Variants in CSMD1 observed in about 807,000 individuals in gnomAD.
The protein encoded by CSMD1 is CUB and Sushi multiple domains 1, also known as CUB and sushi domain-containing protein 1.
CSMD1 carries 213 observed loss-of-function variants against 417.5 expected under a neutral mutation model. The ratio of observed to expected loss-of-function variants is 0.51; its 90% CI spans 0.46 to 0.57. CSMD1 has a LOEUF of 0.57. Ranked by LOEUF, CSMD1 falls within the 20% of genes least tolerant of loss-of-function variation. The pLI, the probability that CSMD1 is intolerant of heterozygous loss-of-function variation, is 0.00. For synonymous variants in CSMD1, 2,862 were observed against 1,736.8 expected (o/e 1.65, Z -16.11); for missense variants, 6,923 against 4,529.7 (o/e 1.53, Z -15.17).
intron 5 of CSMD1, among the ~76,000 whole-genome samples, chr8:3,988,368 G>T (rs1175257370): frequency 2.0e-5 from 3 of 152,180 alleles, no homozygotes; most frequent in African/African-American, 7.2e-5. Flanking sequence ...TTTCAGTTTG[G>T]AGGAAAACCT....
At position 3,188,899 on chromosome 8, in the gene CSMD1, G is replaced by T; in HGVS notation, c.5511C>A (p.Gly1837=). The change falls in exon 35 of 70, where the codon GGC becomes GGA. Residue 1837 remains glycine, a synonymous_variant. Transcript: ENST00000635120. ...TTCAAGGACTCACCTGAATTCCCGAGCCCTCCGTAACTATGATCTTCCATA... is the reference window on the plus strand; with the variant it reads ...TTCAAGGACTCACCTGAATTCCCGATCCCTCCGTAACTATGATCTTCCATA... ...NCIWKIIVTE[G]SGIQIQVISF... 6.3e-7 allele frequency: 1 copy of T among 1,575,826 alleles called. No individual in the cohort carries two copies. Among genetic ancestry groups the T allele is most frequent in the Non-Finnish European group, 8.6e-7 (1 of 1,160,258 alleles).
At chr8:3,025,811 G>A (rs1052587766) in intron 51 of CSMD1, among the ~76,000 whole-genome samples, 1 of 152,142 alleles carries the variant, frequency 6.6e-6, no homozygotes, top group African/African-American at 2.4e-5. Context: ...ATAAAAATGT[G>A]TTACTTATGT....
intron 10 of CSMD1, among the ~76,000 whole-genome samples, chr8:3,498,582 T>C (rs1216522922): frequency 6.6e-6 from 1 of 152,224 alleles, no homozygotes; most frequent in African/African-American, 2.4e-5. Context: ...TATTTTATTA[T>C]ATAGATATCC....
At chr8:3,343,582 A>T in intron 22 of CSMD1, 132 bp from the exon 23 acceptor site, 1 of 733,988 alleles carries the variant, frequency 1.4e-6, no homozygotes, top group Non-Finnish European at 2.1e-6. Context: ...GTTTACAGAA[A>T]GATAAATGAA....
intron 23 of CSMD1, among the ~76,000 whole-genome samples, chr8:3,316,937 A>C (rs1181219424): frequency 2.0e-5 from 3 of 152,180 alleles, no homozygotes; most frequent in Non-Finnish European, 4.4e-5. Flanking sequence ...AAAAGTATTT[A>C]TTTAGTGCTG....
chr8:4,314,283 A>G (rs1164453286), intron 3 of CSMD1, among the ~76,000 whole-genome samples: 1 of 152,166 alleles, frequency 6.6e-6, no homozygotes, highest in Non-Finnish European at 1.5e-5. Context: ...TACAATCGAC[A>G]AAGTACATAG....
intron 1 of CSMD1, among the ~76,000 whole-genome samples, chr8:4,943,259 G>T (rs1037008673): frequency 6.6e-6 from 1 of 152,048 alleles, no homozygotes; most frequent in Non-Finnish European, 1.5e-5. Flanking sequence ...ACTTTGGGCG[G>T]CCCAGGCGGG....
intron 5 of CSMD1, among the ~76,000 whole-genome samples, chr8:3,968,705 G>T (rs1460014431): frequency 6.6e-6 from 1 of 152,060 alleles, no homozygotes; most frequent in Non-Finnish European, 1.5e-5. Flanking sequence ...TTACTACAGG[G>T]TCTGTGTATT....
chr8:4,817,647 A>C (rs1799283171), intron 1 of CSMD1, among the ~76,000 whole-genome samples: 1 of 152,232 alleles, frequency 6.6e-6, no homozygotes, highest in African/African-American at 2.4e-5. Context: ...ACATGCATAA[A>C]ATCAATGGTA....
At chr8:3,726,864 G>A (rs186193313) in intron 6 of CSMD1, among the ~76,000 whole-genome samples, 1 of 152,152 alleles carries the variant, frequency 6.6e-6, no homozygotes, top group Non-Finnish European at 1.5e-5. Context: ...CCTGCCCAAA[G>A]ATAGATTTCC....
intron 3 of CSMD1, among the ~76,000 whole-genome samples, chr8:4,219,493 T>G (rs921400485): frequency 6.6e-6 from 1 of 152,212 alleles, no homozygotes; most frequent in African/African-American, 2.4e-5. Context: ...CTTCCGTCTC[T>G]TGGGTGTTCC....
intron 5 of CSMD1, among the ~76,000 whole-genome samples, chr8:3,913,939 G>T (rs955416248): frequency 2.6e-5 from 4 of 151,982 alleles, no homozygotes; most frequent in African/African-American, 9.7e-5. Context: ...ATAAATTAAC[G>T]ATCACTTTTG....
intron 5 of CSMD1, among the ~76,000 whole-genome samples, chr8:3,995,829 G>A (rs143020485): frequency 2.1e-4 from 32 of 152,242 alleles, no homozygotes; most frequent in African/African-American, 1.4e-4. Context: ...TAAGCTAACA[G>A]GCAACAGAGT....
chr8:4,662,178 C>T (rs1370751453), intron 1 of CSMD1, among the ~76,000 whole-genome samples: 1 of 152,216 alleles, frequency 6.6e-6, no homozygotes, highest in African/African-American at 2.4e-5. Flanking sequence ...CCTATTAAAT[C>T]CTTAAACAGG....
chr8:3,638,702 A>G (rs770922535), intron 7 of CSMD1, among the ~76,000 whole-genome samples: 41 of 152,176 alleles, frequency 2.7e-4, no homozygotes, highest in Non-Finnish European at 4.7e-4. Flanking sequence ...ACACATGGGC[A>G]AAAGGCTTGT....
chr8:4,014,666 T>G (rs917909816), intron 4 of CSMD1, among the ~76,000 whole-genome samples: 1 of 152,330 alleles, frequency 6.6e-6, no homozygotes, highest in Admixed American at 6.5e-5. Context: ...AAAGAGCTCG[T>G]CTGAGCTGTG....
chr8:3,126,492 G>C (rs1237937844), intron 41 of CSMD1, among the ~76,000 whole-genome samples: 1 of 152,116 alleles, frequency 6.6e-6, no homozygotes, highest in Admixed American at 6.6e-5. Flanking sequence ...AGCCCCGCTT[G>C]AGTCCTCAGC....
At chr8:4,806,477 C>T (rs926049420) in intron 1 of CSMD1, among the ~76,000 whole-genome samples, 3 of 152,204 alleles carry the variant, frequency 2.0e-5, no homozygotes, top group Non-Finnish European at 2.9e-5. Context: ...CATCTGTGGG[C>T]CATCTATTTA....
intron 7 of CSMD1, among the ~76,000 whole-genome samples, chr8:3,646,962 T>C (rs982259433): frequency 1.4e-4 from 21 of 152,300 alleles, no homozygotes; most frequent in Middle Eastern, 3.4e-3. Context: ...TCATCCTCTC[T>C]ATAACTATTC....
Sources: gnomAD v4.1 joint callset for allele counts (sites outside exome capture counted in the v4.1 genomes callset) on GRCh38, gnomAD v4.1.1 for gene constraint, MANE v1.5 for transcripts, NCBI Gene and HGNC (gene_info 2026-07-23, HGNC 2026-07-21) for gene names.